UNC5C: variants seen among roughly 807,000 people sequenced by gnomAD.
The protein encoded by UNC5C is netrin receptor UNC5C.
UNC5C carries 47 observed loss-of-function variants against 99.8 expected under a neutral mutation model. The observed-to-expected ratio is 0.47, with a 90% CI of 0.37 to 0.60. UNC5C has a LOEUF of 0.60. Among genes scored for constraint, UNC5C ranks in the 20% least tolerant of loss-of-function variants. The pLI is 0.00. For missense variants in UNC5C, 1,062 were observed against 1,165.9 expected (o/e 0.91, Z 1.30); for synonymous variants, 487 against 452.2 (o/e 1.08, Z -0.98).
At chr4:95,467,799 A>G (rs1215493008) in intron 1 of UNC5C, among the ~76,000 whole-genome samples, 2 of 152,228 alleles carry the variant, frequency 1.3e-5, no homozygotes, top group Admixed American at 6.5e-5. Context: ...CCTTACCAAT[A>G]ACATAAACAG....
intron 7 of UNC5C, among the ~76,000 whole-genome samples, chr4:95,240,615 T>TAAAA (rs1739294800): frequency 6.7e-6 from 1 of 149,746 alleles, no homozygotes; most frequent in Non-Finnish European, 1.5e-5. Flanking sequence ...GTGATAAAAA[T>TAAAA]ACAAACAAAA....
At chr4:95,543,858 G>A (rs1362739464) in intron 1 of UNC5C, among the ~76,000 whole-genome samples, 2 of 152,298 alleles carry the variant, frequency 1.3e-5, no homozygotes, top group East Asian at 1.9e-4. Context: ...AAAAGAGACT[G>A]TGGAAGGGAA....
At chr4:95,279,470 C>T (rs920682686) in intron 3 of UNC5C, among the ~76,000 whole-genome samples, 22 of 152,132 alleles carry the variant, frequency 1.4e-4, no homozygotes, top group African/African-American at 5.3e-4. Flanking sequence ...ACTAAATCAT[C>T]CCTGAATACC....
intron 1 of UNC5C, among the ~76,000 whole-genome samples, chr4:95,481,232 C>G (rs1721144100): frequency 6.6e-6 from 1 of 151,974 alleles, no homozygotes. Flanking sequence ...AACAGAGAGC[C>G]AAATCATGAG....
intron 1 of UNC5C, among the ~76,000 whole-genome samples, chr4:95,372,948 GT>G: frequency 6.6e-6 from 1 of 152,254 alleles, no homozygotes; most frequent in Admixed American, 6.5e-5. Context: ...TCACAGGAGA[GT>G]AAAAACAATA....
At chr4:95,463,414 A>G (rs1361980226) in intron 1 of UNC5C, among the ~76,000 whole-genome samples, 1 of 152,124 alleles carries the variant, frequency 6.6e-6, no homozygotes, top group Non-Finnish European at 1.5e-5. Context: ...ATGAATGGTG[A>G]ACACTGAACG....
At chr4:95,538,757 G>A (rs1722842178) in intron 1 of UNC5C, among the ~76,000 whole-genome samples, 2 of 152,128 alleles carry the variant, frequency 1.3e-5, no homozygotes, top group Admixed American at 6.5e-5. Flanking sequence ...ATATATTGAT[G>A]TATTATGTAA....
chr4:95,421,105 T>C (rs1365328894), intron 1 of UNC5C, among the ~76,000 whole-genome samples: 2 of 152,212 alleles, frequency 1.3e-5, no homozygotes, highest in Non-Finnish European at 2.9e-5. Context: ...ACATGTATTT[T>C]CAACCTAAAA....
intron 14 of UNC5C, among the ~76,000 whole-genome samples, chr4:95,171,318 G>A (rs558450785): frequency 2.0e-5 from 3 of 150,848 alleles, no homozygotes; most frequent in African/African-American, 7.3e-5. Flanking sequence ...GTGCCATGCT[G>A]GTGCGCTGCA....
chr4:95,206,284 C>T (rs1183213641), intron 11 of UNC5C, among the ~76,000 whole-genome samples: 1 of 151,666 alleles, frequency 6.6e-6, no homozygotes, highest in East Asian at 1.9e-4. Flanking sequence ...CAGGCATGAG[C>T]CACCCCATAT....
intron 1 of UNC5C, among the ~76,000 whole-genome samples, chr4:95,357,367 C>T (rs1744244385): frequency 6.6e-6 from 1 of 152,034 alleles, no homozygotes; most frequent in Non-Finnish European, 1.5e-5. Context: ...GTCTCAAACT[C>T]GGCCTCAAGC....
Position 95,220,175 on chromosome 4 carries a change from A to C in UNC5C, c.1110T>G (p.Thr370=), listed in dbSNP as rs577968656. 1 of 1,612,340 alleles carries C rather than the reference A, an allele frequency of 6.2e-7. No individual in the cohort carries two copies. The highest frequency in any genetic ancestry group is 2.2e-5 in the East Asian group (1 of 44,822). Residue 370 remains threonine (T), a splice_region_variant and synonymous_variant, in exon 8 of 16, where the codon ACT becomes ACG. Coordinates refer to ENST00000453304, the MANE Select transcript of UNC5C (RefSeq NM_003728.4). ...KNCTDGLCMQ[T]APDSDDVALY... is the part of the protein sequence containing the mutation. ...GAGCAACATCATCTGAATCAGGAGCAGCTAGAGAGGAGAGTGAAACATTGA... is the reference window on the plus strand; with the variant it reads ...GAGCAACATCATCTGAATCAGGAGCCGCTAGAGAGGAGAGTGAAACATTGA...
chr4:95,436,690 A>G (rs554703873), intron 1 of UNC5C, among the ~76,000 whole-genome samples: 10 of 152,092 alleles, frequency 6.6e-5, no homozygotes, highest in African/African-American at 2.4e-4. Flanking sequence ...TAATATATAT[A>G]AGAATAATGC....
Position 95,342,604 on chromosome 4 carries a change from G to A in UNC5C, c.125-6973C>T, listed in dbSNP as rs1380920510. ...CTGAGCACATTCCCAGCTGTAGTGA[G>A]AATGGACTGGGATGAGGCTCCTTCT... On this transcript the variant is annotated intron_variant, in intron 1 of 15. Transcript: ENST00000453304. Among the ~76,000 whole-genome samples the A allele has an allele frequency of 4.6e-5, 7 of 151,820 alleles. No individual in the cohort carries two copies. The South Asian group carries it at 1.0e-3, about 23-fold the overall frequency.
At chr4:95,429,579 G>T (rs1746578340) in intron 1 of UNC5C, among the ~76,000 whole-genome samples, 1 of 152,066 alleles carries the variant, frequency 6.6e-6, no homozygotes, top group African/African-American at 2.4e-5. Context: ...TATTCTTCCT[G>T]GCAGGCTGTA....
chr4:95,337,823 C>CCAGTT (rs1743406939), intron 1 of UNC5C, among the ~76,000 whole-genome samples: 1 of 151,896 alleles, frequency 6.6e-6, no homozygotes, highest in Non-Finnish European at 1.5e-5. Flanking sequence ...TTTAATAAAT[C>CCAGTT]CAGTTTTTCT....
At chr4:95,292,830 T>A (rs186623291) in intron 3 of UNC5C, among the ~76,000 whole-genome samples, 9 of 152,364 alleles carry the variant, frequency 5.9e-5, no homozygotes, top group Non-Finnish European at 1.2e-4. Context: ...CATTTTTTTA[T>A]GTTTTAATTT....
intron 1 of UNC5C, among the ~76,000 whole-genome samples, chr4:95,499,214 T>C (rs1721707827): frequency 1.3e-5 from 2 of 152,096 alleles, no homozygotes; most frequent in Non-Finnish European, 2.9e-5. Context: ...ATACTCTGGA[T>C]ATAATAGGTG....
rs187053869 is a variant in UNC5C, at chr4:95,397,723, A to C, written c.125-62092T>G. Among the ~76,000 whole-genome samples, 868 of 152,318 alleles carry C rather than the reference A, an allele frequency of 5.7e-3. 10 individuals are homozygous for C. Among genetic ancestry groups the C allele is most frequent in the African/African-American group, 0.019 (801 of 41,570 alleles). ...ATCCTTAAAATTCAATCCTTTGGACAAATGTCCGTATACTGAAAAAATAGC... is the reference window on the plus strand; with the variant it reads ...ATCCTTAAAATTCAATCCTTTGGACCAATGTCCGTATACTGAAAAAATAGC... On this transcript the variant is annotated intron_variant, in intron 1 of 15. Transcript: ENST00000453304.
Sources: gnomAD v4.1 joint callset for allele counts (sites outside exome capture counted in the v4.1 genomes callset) on GRCh38, gnomAD v4.1.1 for gene constraint, MANE v1.5 for transcripts, NCBI Gene and HGNC (gene_info 2026-07-23, HGNC 2026-07-21) for gene names.